PRIMPOL: variants seen among roughly 807,000 people sequenced by gnomAD.
The protein encoded by PRIMPOL is DNA-directed primase/polymerase protein.
Under a neutral mutation model 63.6 loss-of-function variants are expected in PRIMPOL, and 54 were observed. That is an observed-to-expected ratio of 0.85 (90% CI 0.68 to 1.07). The LOEUF is 1.07. PRIMPOL is among the 50% of genes least tolerant of loss of function. The probability of loss-of-function intolerance (pLI) is 0.00; values close to 1 mark genes in which losing one functional copy is unlikely to be tolerated. For synonymous variants in PRIMPOL, 197 were observed against 220.2 expected (o/e 0.89, Z 0.93); for missense variants, 610 against 648.3 (o/e 0.94, Z 0.64).
At chr4:184,689,342 G>A (rs1757840285) in intron 11 of PRIMPOL, among the ~76,000 whole-genome samples, 1 of 151,676 alleles carries the variant, frequency 6.6e-6, no homozygotes, top group African/African-American at 2.4e-5. Context: ...AATTACAGGT[G>A]TGAACCACCT....
chr4:184,691,817 C>A, intron 13 of PRIMPOL, 105 bp downstream of exon 13: 1 of 812,804 alleles, frequency 1.2e-6, no homozygotes, highest in East Asian at 2.5e-5. Context: ...CCATTTGCTA[C>A]CTTGTTTTCA....
intron 8 of PRIMPOL, 30 bp downstream of exon 8, chr4:184,678,424 T>C (rs543194434): frequency 9.3e-6 from 14 of 1,504,880 alleles, no homozygotes; most frequent in Non-Finnish European, 1.3e-5. Flanking sequence ...AACCATTTTG[T>C]ATTCATGAAT....
intron 8 of PRIMPOL, among the ~76,000 whole-genome samples, chr4:184,681,449 A>G (rs528989058): frequency 6.6e-6 from 1 of 152,320 alleles, no homozygotes; most frequent in Non-Finnish European, 1.5e-5. Flanking sequence ...TCCCTATATA[A>G]TACTGTAAAT....
chr4:184,684,843 C>A (rs72703527), intron 9 of PRIMPOL, among the ~76,000 whole-genome samples: 19,875 of 151,976 alleles, frequency 0.13, 1,380 homozygotes, highest in Middle Eastern at 0.18. Flanking sequence ...TAACACTGTA[C>A]TTTGTTAAAA....
intron 6 of PRIMPOL, among the ~76,000 whole-genome samples, chr4:184,668,164 C>T (rs1212738397): frequency 6.6e-6 from 1 of 152,204 alleles, no homozygotes; most frequent in Non-Finnish European, 1.5e-5. Context: ...ACGTCAGACC[C>T]ATCCAGCCAA....
intron 9 of PRIMPOL, among the ~76,000 whole-genome samples, chr4:184,684,895 A>T (rs1475105935): frequency 6.6e-6 from 1 of 152,162 alleles, no homozygotes; most frequent in Non-Finnish European, 1.5e-5. Context: ...GTTAGCTGGG[A>T]TCGGGGGTGT....
At chr4:184,675,642 C>T (rs1399735000) in intron 7 of PRIMPOL, among the ~76,000 whole-genome samples, 10 of 152,062 alleles carry the variant, frequency 6.6e-5, no homozygotes. Flanking sequence ...CGTGATGAAA[C>T]CCCATCTCTA....
At chr4:184,672,641 G>C (rs1295677077) in intron 7 of PRIMPOL, among the ~76,000 whole-genome samples, 181 bp downstream of exon 7, 2 of 152,180 alleles carry the variant, frequency 1.3e-5, no homozygotes, top group Non-Finnish European at 2.9e-5. Context: ...AGAGATCTTA[G>C]AGGGGTCCAG....
chr4:184,667,365 C>T (rs1485550705), intron 6 of PRIMPOL, among the ~76,000 whole-genome samples: 2 of 151,794 alleles, frequency 1.3e-5, no homozygotes, highest in Admixed American at 6.6e-5. Flanking sequence ...GGCTGGAGTG[C>T]AGTGGCACGT....
chr4:184,659,097 T>C (rs1747509764), intron 3 of PRIMPOL, among the ~76,000 whole-genome samples: 2 of 152,202 alleles, frequency 1.3e-5, no homozygotes, highest in South Asian at 2.1e-4. Flanking sequence ...TCTCCTTTTT[T>C]CTCTTTGGTC....
intron 13 of PRIMPOL, 87 bp downstream of exon 13, chr4:184,691,799 A>AAATGGGT: frequency 1.1e-6 from 1 of 939,918 alleles, no homozygotes; most frequent in Non-Finnish European, 1.7e-6. Context: ...TCCAAATAGC[A>AAATGGGT]TTGAAACCCA....
At chr4:184,671,192 A>T (rs538067830) in intron 6 of PRIMPOL, among the ~76,000 whole-genome samples, 12 of 152,216 alleles carry the variant, frequency 7.9e-5, no homozygotes, top group African/African-American at 2.9e-4. Context: ...AAATGTATCG[A>T]ATTGCTTTTG....
intron 8 of PRIMPOL, among the ~76,000 whole-genome samples, chr4:184,681,275 A>G (rs534139943): frequency 6.6e-6 from 1 of 152,278 alleles, no homozygotes. Context: ...TCACACCTCT[A>G]AAATTGTTGT....
chr4:184,693,189 CATAAA>C (rs1444244881), intron 13 of PRIMPOL, among the ~76,000 whole-genome samples: 2 of 152,166 alleles, frequency 1.3e-5, no homozygotes, highest in Non-Finnish European at 2.9e-5. Context: ...AAGAACTGGA[CATAAA>C]ATAACTGATA....
chr4:184,682,094 G>A (rs73012927), intron 8 of PRIMPOL, among the ~76,000 whole-genome samples, 154 bp from the exon 9 acceptor site: 9,505 of 152,160 alleles, frequency 0.062, 879 homozygotes, highest in African/African-American at 0.21. Context: ...TTGTGGTTTT[G>A]TGGGCAAATG....
At chr4:184,678,207 A>G in intron 7 of PRIMPOL, 25 bp from the exon 8 acceptor site, 2 of 1,456,750 alleles carry the variant, frequency 1.4e-6, no homozygotes, top group Non-Finnish European at 1.9e-6. Flanking sequence ...ATGCTTTCAT[A>G]TTGTTTTATC....
chr4:184,668,674 CCTTA>C (rs1750740641), intron 6 of PRIMPOL, among the ~76,000 whole-genome samples: 2 of 152,240 alleles, frequency 1.3e-5, no homozygotes, highest in African/African-American at 4.8e-5. Context: ...AAACCCTAAG[CCTTA>C]CTTGGATTAG....
intron 3 of PRIMPOL, among the ~76,000 whole-genome samples, chr4:184,658,033 A>AATAT (rs1553988218): frequency 2.1e-5 from 3 of 145,014 alleles, no homozygotes; most frequent in East Asian, 1.9e-4. Flanking sequence ...TAAATAAATA[A>AATAT]ATATCACTAA....
intron 3 of PRIMPOL, among the ~76,000 whole-genome samples, chr4:184,658,984 A>G (rs1247051604): frequency 1.3e-5 from 2 of 152,046 alleles, no homozygotes; most frequent in Admixed American, 6.5e-5. Context: ...AGCCCAAATC[A>G]TTTATAATAA....
Sources: allele counts gnomAD v4.1 joint callset (sites outside exome capture counted in the v4.1 genomes callset), GRCh38; gene constraint gnomAD v4.1.1; transcripts MANE v1.5; gene names NCBI Gene and HGNC (gene_info 2026-07-23, HGNC 2026-07-21).